Variants in PALLD observed in about 807,000 individuals in gnomAD.
The protein encoded by PALLD is palladin.
A neutral mutation model predicts 123.5 loss-of-function variants in PALLD; 61 were observed. The observed-to-expected ratio is 0.49, with a 90% CI of 0.40 to 0.61. The LOEUF is 0.61. Among genes scored for constraint, PALLD ranks in the 20% least tolerant of loss-of-function variants. PALLD has a pLI of 0.00. For missense variants in PALLD, 1,273 were observed against 1,377.0 expected (o/e 0.92, Z 1.20); for synonymous variants, 465 against 496.4 (o/e 0.94, Z 0.84).
chr4:168,683,134 G>T, intron 5 of PALLD, 31 bp downstream of exon 5: 1 of 1,265,770 alleles, frequency 7.9e-7, no homozygotes, highest in South Asian at 1.2e-5. Flanking sequence ...AGCCCATAAG[G>T]GGTCGAACTC....
intron 2 of PALLD, among the ~76,000 whole-genome samples, chr4:168,588,672 T>G (rs1771096298): frequency 6.6e-6 from 1 of 152,172 alleles, no homozygotes. Context: ...CCTCCCAAAG[T>G]GCTGGGATTA....
chr4:168,774,726 T>TAAAAAAAA (rs1734938065), intron 10 of PALLD, among the ~76,000 whole-genome samples: 2 of 48,602 alleles, frequency 4.1e-5, no homozygotes, highest in African/African-American at 1.8e-4. Context: ...AGACTGCATC[T>TAAAAAAAA]CAAAAAAAAA....
At chr4:168,840,284 C>T (rs1352536512) in intron 10 of PALLD, among the ~76,000 whole-genome samples, 1 of 152,078 alleles carries the variant, frequency 6.6e-6, no homozygotes, top group African/African-American at 2.4e-5. Context: ...TACCCAGGAA[C>T]AAGAGATAAG....
At chr4:168,737,937 C>A (rs1787928665) in intron 10 of PALLD, among the ~76,000 whole-genome samples, 1 of 152,216 alleles carries the variant, frequency 6.6e-6, no homozygotes, top group Admixed American at 6.5e-5. Flanking sequence ...ACAGCAGCAG[C>A]TGTGAGGCTC....
intron 2 of PALLD, among the ~76,000 whole-genome samples, chr4:168,519,875 A>C (rs1275130913): frequency 6.7e-6 from 1 of 149,644 alleles, no homozygotes; most frequent in Non-Finnish European, 1.5e-5. Flanking sequence ...CTATTTTCTT[A>C]TTCTTTTATT....
At chr4:168,624,911 A>G (rs2149806285) in intron 2 of PALLD, among the ~76,000 whole-genome samples, 1 of 152,260 alleles carries the variant, frequency 6.6e-6, no homozygotes, top group Admixed American at 6.5e-5. Flanking sequence ...ACAAAATAAG[A>G]TTTGAACAGA....
chr4:168,517,004 G>T (rs1763050753), intron 2 of PALLD, among the ~76,000 whole-genome samples: 1 of 152,182 alleles, frequency 6.6e-6, no homozygotes, highest in South Asian at 2.1e-4. Context: ...TGGGAGGTGA[G>T]TGAAGTGTGG....
At chr4:168,545,193 C>T (rs1043351236) in intron 2 of PALLD, among the ~76,000 whole-genome samples, 1 of 152,128 alleles carries the variant, frequency 6.6e-6, no homozygotes, top group South Asian at 2.1e-4. Flanking sequence ...AAGCCTGAGT[C>T]CTTAGTGTAA....
intron 10 of PALLD, among the ~76,000 whole-genome samples, chr4:168,720,523 A>G (rs1461782514): frequency 6.6e-6 from 1 of 152,224 alleles, no homozygotes; most frequent in Non-Finnish European, 1.5e-5. Context: ...AATTATACAC[A>G]CACTCTGAGT....
intron 2 of PALLD, among the ~76,000 whole-genome samples, chr4:168,579,198 C>T (rs550840572): frequency 3.9e-5 from 6 of 152,262 alleles, no homozygotes; most frequent in African/African-American, 1.4e-4. Flanking sequence ...GCTAATAGTG[C>T]CATGTAAAGT....
At chr4:168,845,713 A>T (rs1746743427) in intron 10 of PALLD, among the ~76,000 whole-genome samples, 1 of 152,204 alleles carries the variant, frequency 6.6e-6, no homozygotes, top group Non-Finnish European at 1.5e-5. Flanking sequence ...AGTTTAAGAG[A>T]TTCCTAAATC....
chr4:168,766,632 C>T (rs981724413), intron 10 of PALLD, among the ~76,000 whole-genome samples: 4 of 152,102 alleles, frequency 2.6e-5, no homozygotes, highest in Admixed American at 6.5e-5. Context: ...CAGCATAATG[C>T]GGGGGAAAGA....
chr4:168,612,021 GT>G (rs1485302871), intron 2 of PALLD, among the ~76,000 whole-genome samples: 3 of 152,144 alleles, frequency 2.0e-5, no homozygotes, highest in Non-Finnish European at 4.4e-5. Flanking sequence ...TTAGCCAGGT[GT>G]GGTGGTACAT....
chr4:168,670,765 C>CAAAAAAAAAAAAAAAAAA (rs367710328), intron 3 of PALLD, among the ~76,000 whole-genome samples: 1 of 109,494 alleles, frequency 9.1e-6, no homozygotes, highest in Non-Finnish European at 1.8e-5. Context: ...ACAAAAAAAA[C>CAAAAAAAAAAAAAAAAAA]AAAAAAAAAC....
chr4:168,792,144 T>G (rs1390880931), intron 10 of PALLD, among the ~76,000 whole-genome samples: 3 of 152,282 alleles, frequency 2.0e-5, no homozygotes, highest in East Asian at 3.9e-4. Flanking sequence ...CAGCAGAGAT[T>G]CGTACCTCTG....
intron 10 of PALLD, among the ~76,000 whole-genome samples, chr4:168,808,662 A>G (rs969700936): frequency 4.1e-4 from 62 of 152,312 alleles, no homozygotes; most frequent in African/African-American, 1.3e-3. Flanking sequence ...ACAGTTCCAC[A>G]TGTCTGGAGA....
At position 168,838,667 on chromosome 4, in the gene PALLD, CTTTTTTTT is replaced by C. The variant is rs70961558; in HGVS notation, c.1965-52236_1965-52229del. On this transcript the variant is annotated intron_variant, in intron 10 of 21. Coordinates refer to ENST00000505667, the MANE Select transcript of PALLD (RefSeq NM_001166108.2). ...GAGGAGAGAGATTATCTTCTAACTC[CTTTTTTTT>C]TTTTTTTTTTTTTTTTTTGCTGTGT... 8.6e-3 allele frequency among the ~76,000 whole-genome samples: 762 copies of C among 88,782 alleles called. 4 individuals are homozygous for C. The highest frequency in any genetic ancestry group is 0.022 in the African/African-American group (408 of 18,780). 58.2% of individuals were successfully genotyped at this position (88,782 alleles called of 152,430 possible). A position where few individuals can be genotyped will look rare whatever the true frequency, so the allele number is the denominator to read the frequency against.
intron 2 of PALLD, among the ~76,000 whole-genome samples, chr4:168,550,148 A>G (rs1766580133): frequency 6.6e-6 from 1 of 152,202 alleles, no homozygotes; most frequent in African/African-American, 2.4e-5. Context: ...ACTTAGGATA[A>G]CTGTGGGCCT....
chr4:168,705,989 C>T (rs1163787751), intron 8 of PALLD, among the ~76,000 whole-genome samples: 1 of 152,160 alleles, frequency 6.6e-6, no homozygotes, highest in Non-Finnish European at 1.5e-5. Flanking sequence ...TTTCATTGCC[C>T]TTTACTTTTT....
Sources: gnomAD v4.1 joint callset for allele counts (sites outside exome capture counted in the v4.1 genomes callset) on GRCh38, gnomAD v4.1.1 for gene constraint, MANE v1.5 for transcripts, NCBI Gene and HGNC (gene_info 2026-07-23, HGNC 2026-07-21) for gene names.